Variants in ARPC3 observed in about 807,000 individuals in gnomAD.
ARPC3 encodes actin-related protein 2/3 complex subunit 3.
ARPC3 carries 12 observed loss-of-function variants against 27.6 expected under a neutral mutation model. The ratio of observed to expected loss-of-function variants is 0.43; its 90% CI spans 0.28 to 0.70. The LOEUF is 0.70. Ranked by LOEUF, ARPC3 falls within the 30% of genes least tolerant of loss-of-function variation. ARPC3 has a pLI of 0.17. For missense variants in ARPC3, 153 were observed against 207.7 expected, an observed-to-expected ratio of 0.74 and a Z score of 1.62; for synonymous variants, 53 against 67.2, an observed-to-expected ratio of 0.79 and a Z score of 1.03.
At chr12:110,441,416 C>G (rs561378811) in intron 2 of ARPC3, among the ~76,000 whole-genome samples, 15 of 152,226 alleles carry the variant, frequency 9.9e-5, no homozygotes, top group Non-Finnish European at 1.8e-4. Context: ...CAGGAGTGAG[C>G]CACCACCCCC....
intron 6 of ARPC3, among the ~76,000 whole-genome samples, chr12:110,435,787 C>A (rs1230749830): frequency 2.0e-5 from 3 of 151,964 alleles, no homozygotes; most frequent in Admixed American, 2.0e-4. Context: ...TCATGCCTGG[C>A]TAATTTTTTG....
chr12:110,445,279 T>G, intron 2 of ARPC3, 173 bp downstream of exon 2: 2 of 606,080 alleles, frequency 3.3e-6, no homozygotes. Flanking sequence ...AATTTCCTAT[T>G]AAATGCAACA....
intron 2 of ARPC3, among the ~76,000 whole-genome samples, chr12:110,443,693 A>T (rs930919774): frequency 2.6e-5 from 4 of 152,132 alleles, no homozygotes; most frequent in African/African-American, 7.2e-5. Flanking sequence ...TCAGCCTCCC[A>T]AAGTGCTGGG....
chr12:110,446,897 G>A (rs2062467519), intron 1 of ARPC3, among the ~76,000 whole-genome samples: 1 of 152,114 alleles, frequency 6.6e-6, no homozygotes, highest in Non-Finnish European at 1.5e-5. Context: ...GTGAGCCACT[G>A]CACCCGGCAA....
intron 3 of ARPC3, chr12:110,437,397 T>C: frequency 2.3e-6 from 1 of 427,150 alleles, no homozygotes; most frequent in Non-Finnish European, 4.3e-6. Flanking sequence ...AGACGGAGTC[T>C]TGCTCTGTTG....
chr12:110,437,554 G>A (rs1327137786), intron 3 of ARPC3, among the ~76,000 whole-genome samples: 1 of 152,138 alleles, frequency 6.6e-6, no homozygotes, highest in Non-Finnish European at 1.5e-5. Flanking sequence ...TTTTAGTAGA[G>A]ACGGGGTTTC....
At chr12:110,436,477 C>A in intron 5 of ARPC3, 80 bp downstream of exon 5, 1 of 1,585,132 alleles carries the variant, frequency 6.3e-7, no homozygotes, top group Non-Finnish European at 8.7e-7. Flanking sequence ...TGAATCAAGG[C>A]AAGAAAAAGA....
chr12:110,445,321 A>G (rs574583094), intron 2 of ARPC3, 131 bp downstream of exon 2: 5 of 735,900 alleles, frequency 6.8e-6, no homozygotes, highest in South Asian at 4.4e-5. Flanking sequence ...TCTAGACCAC[A>G]GTATCTACCA....
At chr12:110,444,370 C>T (rs2062453574) in intron 2 of ARPC3, among the ~76,000 whole-genome samples, 1 of 151,920 alleles carries the variant, frequency 6.6e-6, no homozygotes, top group Non-Finnish European at 1.5e-5. Context: ...CTGCAACCTC[C>T]ACCCTCTGTG....
At chr12:110,445,995 G>A (rs1321562345) in intron 1 of ARPC3, among the ~76,000 whole-genome samples, 3 of 151,888 alleles carry the variant, frequency 2.0e-5, no homozygotes, top group South Asian at 2.1e-4. Flanking sequence ...TCCCAGCCAT[G>A]TGGGAGGCTA....
Position 110,437,183 on chromosome 12 carries a change from G to T in ARPC3, c.184-31C>A. 5.0e-6 allele frequency: 7 copies of T among 1,408,716 alleles called. No homozygotes were observed. In the South Asian group the frequency reaches 8.1e-5, roughly 16 times the overall value. 87.3% of individuals were successfully genotyped at this position (1,408,716 alleles called of 1,614,324 possible). ...GGGAGAAAAAGAAGACTTAAAAACAGTTATCAAAACATAACAATGATGTGC... is the reference window on the plus strand; with the variant it reads ...GGGAGAAAAAGAAGACTTAAAAACATTTATCAAAACATAACAATGATGTGC... On this transcript the variant is annotated intron_variant, in intron 3 of 6. Coordinates refer to ENST00000228825, the MANE Select transcript of ARPC3 (RefSeq NM_001278556.2).
At chr12:110,437,373 GC>G in intron 3 of ARPC3, 1 of 502,824 alleles carries the variant, frequency 2.0e-6, no homozygotes, top group South Asian at 2.1e-5. Flanking sequence ...ATGTGCAGCT[GC>G]TTTTTTTTTT....
At chr12:110,444,287 ATT>A (rs11346255) in intron 2 of ARPC3, among the ~76,000 whole-genome samples, 6 of 136,080 alleles carry the variant, frequency 4.4e-5, no homozygotes, top group African/African-American at 1.1e-4. Flanking sequence ...GTGAAAAAAA[ATT>A]TTTTTTTTTT....
chr12:110,438,405 C>T (rs1342381800), intron 3 of ARPC3, among the ~76,000 whole-genome samples: 1 of 151,478 alleles, frequency 6.6e-6, no homozygotes, highest in African/African-American at 2.4e-5. Context: ...CGAGACCATC[C>T]TGGCCAACGT....
intron 6 of ARPC3, among the ~76,000 whole-genome samples, chr12:110,435,705 C>A (rs893669898): frequency 6.6e-6 from 1 of 151,930 alleles, no homozygotes; most frequent in South Asian, 2.1e-4. Flanking sequence ...CTCACTGCAA[C>A]CTCCACTTCC....
chr12:110,437,850 T>C (rs993404972), intron 3 of ARPC3, among the ~76,000 whole-genome samples: 1 of 152,150 alleles, frequency 6.6e-6, no homozygotes, highest in African/African-American at 2.4e-5. Context: ...AGAACAGAAA[T>C]AGTCATTACT....
chr12:110,448,652 C>CAA (rs34460720), intron 1 of ARPC3, among the ~76,000 whole-genome samples: 92 of 115,184 alleles, frequency 8.0e-4, no homozygotes, highest in African/African-American at 1.9e-3. Context: ...CACCCTGTCT[C>CAA]AAAAAAAAAA....
intron 1 of ARPC3, among the ~76,000 whole-genome samples, chr12:110,445,801 T>A (rs950761553): frequency 1.3e-5 from 2 of 152,206 alleles, no homozygotes; most frequent in African/African-American, 4.8e-5. Context: ...TATATAAACT[T>A]ACAATTAAGT....
intron 6 of ARPC3, 101 bp from the exon 7 acceptor site, chr12:110,435,318 T>TA: frequency 5.6e-6 from 5 of 899,508 alleles, no homozygotes; most frequent in Non-Finnish European, 8.8e-6. Context: ...GAATCTCTTA[T>TA]AAACTTTTTT....
Sources: allele counts gnomAD v4.1 joint callset (sites outside exome capture counted in the v4.1 genomes callset), GRCh38; gene constraint gnomAD v4.1.1; transcripts MANE v1.5; gene names NCBI Gene and HGNC (gene_info 2026-07-23, HGNC 2026-07-21).